Variants in MRTFB observed in about 807,000 individuals in gnomAD.
MRTFB encodes myocardin related transcription factor B.
In MRTFB, 29 loss-of-function variants were observed where a neutral mutation model predicts 104.2. The observed-to-expected ratio is 0.28, with a 90% CI of 0.21 to 0.38. MRTFB has a LOEUF of 0.38. Among genes scored for constraint, MRTFB ranks in the 10% least tolerant of loss-of-function variants. MRTFB has a pLI of 1.00. For synonymous variants in MRTFB, 535 were observed against 519.5 expected, an observed-to-expected ratio of 1.03 and a Z score of -0.41; for missense variants, 1,270 against 1,341.6, an observed-to-expected ratio of 0.95 and a Z score of 0.83.
At chr16:14,215,225 T>C (rs982145810) in intron 6 of MRTFB, among the ~76,000 whole-genome samples, 1 of 152,254 alleles carries the variant, frequency 6.6e-6, no homozygotes, top group Non-Finnish European at 1.5e-5. Context: ...AAAATTTAAC[T>C]GTATTTATGA....
the MRTFB span, among the ~76,000 whole-genome samples, chr16:14,022,482 C>T: frequency 4.6e-5 from 7 of 152,144 alleles, no homozygotes; most frequent in South Asian, 4.1e-4. Flanking sequence ...CTGCAACTTC[C>T]GCCTCCTGGG....
rs2042800610 is a variant in MRTFB at position 14,242,122 on chromosome 16, C to T, written c.1079+1638C>T. Among the ~76,000 whole-genome samples, 3 of 152,046 alleles carry T rather than the reference C, an allele frequency of 2.0e-5. No individual in the cohort carries two copies. In the South Asian group the frequency reaches 6.2e-4, roughly 32 times the overall value. ...GAATTGCTGTTATTGACCCCATTCCCAGATGAGGACGCTGTTATAAAAAAA... is the reference window on the plus strand; with the variant it reads ...GAATTGCTGTTATTGACCCCATTCCTAGATGAGGACGCTGTTATAAAAAAA... On this transcript the variant is annotated intron_variant, in intron 10 of 16. Transcript: ENST00000571589.
chr16:14,217,078 T>C, intron 6 of MRTFB, 48 bp from the exon 7 acceptor site: 1 of 1,539,974 alleles, frequency 6.5e-7, no homozygotes, highest in Non-Finnish European at 8.8e-7. Context: ...CATTATGGAA[T>C]AGAAATAGTA....
chr16:14,018,020 C>T, the MRTFB span, among the ~76,000 whole-genome samples: 16 of 151,976 alleles, frequency 1.1e-4, no homozygotes, highest in Admixed American at 2.6e-4. Flanking sequence ...CTGTACTTGG[C>T]CTCCCTTTGA....
At chr16:14,128,609 C>G (rs1461816828) in intron 2 of MRTFB, among the ~76,000 whole-genome samples, 1 of 152,196 alleles carries the variant, frequency 6.6e-6, no homozygotes, top group Non-Finnish European at 1.5e-5. Context: ...CTTTCATTAG[C>G]AACAGATCTT....
chr16:14,156,017 C>T (rs2038813630), intron 3 of MRTFB, among the ~76,000 whole-genome samples: 1 of 152,162 alleles, frequency 6.6e-6, no homozygotes, highest in African/African-American at 2.4e-5. Flanking sequence ...CTAACAAGCT[C>T]CTGTGTGATT....
the MRTFB span, among the ~76,000 whole-genome samples, chr16:14,000,982 G>T: frequency 1.3e-5 from 2 of 152,242 alleles, no homozygotes; most frequent in Non-Finnish European, 2.9e-5. Context: ...CTTGGCCTGT[G>T]CCTGATACAT....
intron 10 of MRTFB, among the ~76,000 whole-genome samples, chr16:14,242,626 C>A (rs2042823580): frequency 6.6e-6 from 1 of 152,144 alleles, no homozygotes; most frequent in Admixed American, 6.5e-5. Flanking sequence ...AGGGACTAGG[C>A]TTTAGTCCAG....
chr16:14,134,386 G>A (rs1050107661), intron 2 of MRTFB, among the ~76,000 whole-genome samples: 2 of 152,232 alleles, frequency 1.3e-5, no homozygotes, highest in African/African-American at 4.8e-5. Context: ...AAGATGTCCT[G>A]TTTATATGTA....
chr16:14,220,846 C>G (rs963975213), intron 8 of MRTFB, among the ~76,000 whole-genome samples: 2 of 151,992 alleles, frequency 1.3e-5, no homozygotes, highest in Non-Finnish European at 2.9e-5. Flanking sequence ...TGTATACATT[C>G]AAGAAAAAAA....
At chr16:14,039,154 G>A in the MRTFB span, among the ~76,000 whole-genome samples, 1 of 152,314 alleles carries the variant, frequency 6.6e-6, no homozygotes, top group South Asian at 2.1e-4. Flanking sequence ...TGATCTAAAG[G>A]CTTGTCTGGG....
the MRTFB span, among the ~76,000 whole-genome samples, chr16:14,017,577 G>C: frequency 8.1e-6 from 1 of 123,922 alleles, no homozygotes; most frequent in African/African-American, 3.1e-5. Flanking sequence ...AACGAAAAGA[G>C]AACTGACTGA....
chr16:14,261,435 A>G lies in MRTFB; in HGVS notation c.3291A>G (p.Pro1097=), dbSNP rs1361359161. The G allele has an allele frequency of 6.3e-7, 1 of 1,598,566 alleles. No individual in the cohort carries two copies. The highest frequency in any genetic ancestry group is 2.2e-5 in the East Asian group (1 of 44,536). The change falls in exon 17 of 17, where the codon CCA becomes CCG. Residue 1097 remains proline (P), a synonymous_variant. Coordinates refer to ENST00000571589, the MANE Select transcript of MRTFB (RefSeq NM_001308142.2). ...DFLDPQDLPL[P]WD ...TAGACCCACAGGACCTACCGCTGCCATGGGACTAACGTCACAGATTTCTTT... is the reference window on the plus strand; with the variant it reads ...TAGACCCACAGGACCTACCGCTGCCGTGGGACTAACGTCACAGATTTCTTT...
chr16:14,188,799 C>T (rs1230358504), intron 3 of MRTFB, among the ~76,000 whole-genome samples: 1 of 152,166 alleles, frequency 6.6e-6, no homozygotes, highest in Non-Finnish European at 1.5e-5. Context: ...GCCAGTTTCT[C>T]ATCTCTCTTC....
rs752590401 is a variant in MRTFB, at chr16:14,251,883, T to C, written c.2425T>C (p.Ser809Pro). ...ACAGGTTTTCACAAACTCAGCATCA[T>C]CAAATACAGTTCTTCCATATCAGAG... ...VRKVFTNSASSNTVLPYQRHP... is the reference protein window; with the variant it reads ...VRKVFTNSASPNTVLPYQRHP... Residue 809 changes from serine (S) to proline (P), a missense_variant, in exon 14 of 17, where the codon TCA (serine) becomes CCA (proline). Around this residue, in one of 3 missense-constraint regions of MRTFB, gnomAD observed 1,144 missense variants for 1,131.5 expected, o/e 1.01. Coordinates refer to ENST00000571589, the MANE Select transcript of MRTFB (RefSeq NM_001308142.2). The C allele has an allele frequency of 1.9e-6, 3 of 1,614,186 alleles. No homozygotes were observed. Among genetic ancestry groups the C allele is most frequent in the South Asian group, 1.1e-5 (1 of 91,082 alleles).
intron 3 of MRTFB, among the ~76,000 whole-genome samples, chr16:14,148,029 T>C (rs1025801963): frequency 2.0e-5 from 3 of 152,180 alleles, no homozygotes; most frequent in Non-Finnish European, 4.4e-5. Flanking sequence ...GAGATAACTT[T>C]CATAAAAGTA....
In MRTFB at chr16:14,264,059, G is replaced by A. The variant is rs1292927774; in HGVS notation, c.*2615G>A. 6.6e-6 allele frequency: 1 copy of A among 152,226 alleles called. No individual in the cohort carries two copies. The highest frequency in any genetic ancestry group is 6.5e-5 in the Admixed American group (1 of 15,284). The allele number at this position is 152,226 out of a possible 1,614,324, so 9.4% of individuals were successfully genotyped here. The stretch of plus-strand genomic sequence containing the variant: ...GTGATGGTGAGTGCAATGAGGAAGG[G>A]TGGATATTGACTAAAGACTGGTTGT... On this transcript the variant is annotated 3_prime_UTR_variant, in exon 17 of 17. Transcript: ENST00000571589.
intron 1 of MRTFB, among the ~76,000 whole-genome samples, chr16:14,075,954 C>G (rs1475563351): frequency 6.6e-6 from 1 of 152,108 alleles, no homozygotes; most frequent in Non-Finnish European, 1.5e-5. Flanking sequence ...TGACATAAGA[C>G]ATATTTTGAG....
chr16:14,078,532 C>T (rs1202420675), intron 1 of MRTFB, among the ~76,000 whole-genome samples: 1 of 151,762 alleles, frequency 6.6e-6, no homozygotes, highest in Non-Finnish European at 1.5e-5. Flanking sequence ...TAGGCTCAAT[C>T]AATCATCCTA....
Sources: gnomAD v4.1 joint callset for allele counts (sites outside exome capture counted in the v4.1 genomes callset) on GRCh38, gnomAD v4.1.1 for gene constraint, gnomAD v4.1.1 regional missense constraint, MANE v1.5 for transcripts, NCBI Gene and HGNC (gene_info 2026-07-23, HGNC 2026-07-21) for gene names.